Variants in POLA1 observed in about 807,000 individuals in gnomAD.
POLA1 encodes the protein DNA polymerase alpha catalytic subunit.
In POLA1, 15 loss-of-function variants were observed where a neutral mutation model predicts 124.0. The observed-to-expected ratio is 0.12, with a 90% CI of 0.08 to 0.19. The LOEUF is 0.19. Among genes scored for constraint, POLA1 ranks in the 10% least tolerant of loss-of-function variants. The pLI is 1.00. For missense variants in POLA1, 886 were observed against 1,103.4 expected, an observed-to-expected ratio of 0.80 and a Z score of 2.79; for synonymous variants, 408 against 389.4, an observed-to-expected ratio of 1.05 and a Z score of -0.56.
chrX:24,772,805 A>G (rs1049264809), intron 26 of POLA1, among the ~76,000 whole-genome samples: 8 of 111,700 alleles, frequency 7.2e-5, no homozygotes, highest in East Asian at 2.8e-4. Context: ...AACAACTACT[A>G]TTTGACCCAG....
intron 36 of POLA1, among the ~76,000 whole-genome samples, chrX:24,983,616 A>G (rs943448904): frequency 6.2e-5 from 7 of 112,285 alleles, no homozygotes; most frequent in Non-Finnish European, 1.1e-4. Flanking sequence ...CAGGTATCCT[A>G]TTGGTTTTCT....
intron 32 of POLA1, among the ~76,000 whole-genome samples, chrX:24,840,529 A>G (rs1193305752): frequency 8.9e-6 from 1 of 112,067 alleles, no homozygotes; most frequent in African/African-American, 3.2e-5. Context: ...ATGTCGCTTG[A>G]CAGCTGACCA....
chrX:24,946,616 G>C (rs1268376728), intron 36 of POLA1, among the ~76,000 whole-genome samples: 2 of 111,322 alleles, frequency 1.8e-5, no homozygotes, highest in African/African-American at 6.5e-5. Flanking sequence ...CCCAGTCTCT[G>C]TTCATATTCT....
chrX:24,700,819 A>G (rs191295866), intron 2 of POLA1, among the ~76,000 whole-genome samples: 13 of 111,826 alleles, frequency 1.2e-4, no homozygotes, highest in Admixed American at 1.1e-3. Flanking sequence ...CAGGACTAAA[A>G]CATTTTTAAT....
chrX:24,897,559 G>A (rs1269992882), intron 35 of POLA1, among the ~76,000 whole-genome samples: 1 of 111,837 alleles, frequency 8.9e-6, no homozygotes, highest in Non-Finnish European at 1.9e-5. Flanking sequence ...CGAAAAAAGA[G>A]CAAAAAGCTT....
At chrX:24,960,972 A>G (rs1361932229) in intron 36 of POLA1, among the ~76,000 whole-genome samples, 1 of 112,419 alleles carries the variant, frequency 8.9e-6, no homozygotes, top group Non-Finnish European at 1.9e-5. Flanking sequence ...TTTTCTTTCT[A>G]TCAATATATT....
In POLA1 at chrX:24,723,959, A is replaced by G. The variant is rs781737071; in HGVS notation, c.1201-376A>G. ...CTCCCAAAGTGCTGGGATTACAGGC[A>G]TGAGCCACTGCGCTCAGTCTGCTTC... On this transcript the variant is annotated intron_variant, in intron 11 of 36. Transcript: ENST00000379068. 5.3e-5 allele frequency among the ~76,000 whole-genome samples: 6 copies of G among 112,810 alleles called. No individual in the cohort carries two copies. In the South Asian group the frequency reaches 1.1e-3, roughly 21 times the overall value.
intron 36 of POLA1, among the ~76,000 whole-genome samples, chrX:24,938,412 T>C (rs2047878054): frequency 9.0e-6 from 1 of 111,525 alleles, no homozygotes; most frequent in African/African-American, 3.3e-5. Context: ...TGAGACTCCA[T>C]CTCAATAAAA....
chrX:24,748,356 G>T lies in POLA1; in HGVS notation c.2737G>T (p.Glu913Ter). 1 of 1,195,564 alleles carries T rather than the reference G, an allele frequency of 8.4e-7. No individual in the cohort carries two copies. The highest frequency in any genetic ancestry group is 1.1e-6 in the Non-Finnish European group (1 of 881,196). ...CCCTGAGTTGCCAGATCCAAGCTTA[G>T]AAATGGGCATTTTGCCCAGAGAGAT... is the stretch of plus-strand genomic sequence containing the variant. ...QIPELPDPSL[E>*]MGILPREIRK... Residue 913 changes from glutamate (E) to a stop codon, truncating the protein, a stop_gained, in exon 25 of 37, where the codon GAA becomes TAA. Coordinates refer to ENST00000379068, the MANE Select transcript of POLA1 (RefSeq NM_001330360.2). LOFTEE classifies it high-confidence loss of function.
At chrX:24,970,116 C>G (rs1192118427) in intron 36 of POLA1, among the ~76,000 whole-genome samples, 3 of 111,919 alleles carry the variant, frequency 2.7e-5, no homozygotes, top group Non-Finnish European at 5.6e-5. Flanking sequence ...GACATAAAGA[C>G]AAATGGAACA....
chrX:24,766,048 G>T (rs190414108), intron 26 of POLA1, among the ~76,000 whole-genome samples: 1 of 112,387 alleles, frequency 8.9e-6, no homozygotes, highest in Non-Finnish European at 1.9e-5. Context: ...TTGAACTGCT[G>T]TATAGTATTC....
intron 34 of POLA1, among the ~76,000 whole-genome samples, chrX:24,872,967 G>A (rs898368850): frequency 9.0e-6 from 1 of 111,148 alleles, no homozygotes; most frequent in Non-Finnish European, 1.9e-5. Flanking sequence ...CCCCACACAC[G>A]TATAGTCTCT....
chrX:24,855,534 T>TA lies in POLA1; in HGVS notation c.4047+11861dup, dbSNP rs2046632844. ...TGGGTAGGTACATGATCTGTGAATA[T>TA]AAAATGAAATTTGAAGGACAATTCC... On this transcript the variant is annotated intron_variant, in intron 34 of 36. Coordinates refer to ENST00000379068, the MANE Select transcript of POLA1 (RefSeq NM_001330360.2). Among the ~76,000 whole-genome samples the TA allele has an allele frequency of 6.2e-5, 7 of 112,099 alleles. No homozygotes were observed. In the South Asian group the frequency reaches 2.6e-3, roughly 42 times the overall value.
chrX:24,855,115 GTAAA>G (rs1188895366), intron 34 of POLA1, among the ~76,000 whole-genome samples: 1 of 111,185 alleles, frequency 9.0e-6, no homozygotes, highest in African/African-American at 3.3e-5. Flanking sequence ...ATAGACAAGT[GTAAA>G]TAAATAATTG....
At chrX:24,914,579 A>G (rs1289390521) in intron 35 of POLA1, among the ~76,000 whole-genome samples, 1 of 110,144 alleles carries the variant, frequency 9.1e-6, no homozygotes, top group African/African-American at 3.3e-5. Context: ...ATAGATTTGG[A>G]CATCAGAGTG....
intron 27 of POLA1, among the ~76,000 whole-genome samples, chrX:24,810,375 A>T (rs1220704284): frequency 1.8e-5 from 2 of 111,579 alleles, no homozygotes; most frequent in Non-Finnish European, 3.8e-5. Context: ...CAGTGGATAA[A>T]TATAGACCCC....
At chrX:24,966,541 A>T (rs965976591) in intron 36 of POLA1, among the ~76,000 whole-genome samples, 2 of 112,467 alleles carry the variant, frequency 1.8e-5, no homozygotes, top group East Asian at 5.6e-4. Context: ...GATGGTTTTG[A>T]CATCAGAGTG....
intron 35 of POLA1, among the ~76,000 whole-genome samples, chrX:24,921,908 G>GTGTGTGTGTGTGTGTGT (rs1569363662): frequency 4.5e-5 from 5 of 110,567 alleles, no homozygotes; most frequent in African/African-American, 1.3e-4. Context: ...GTGTGTGTGT[G>GTGTGTGTGTGTGTGTGT]ATGGGGGTGG....
intron 5 of POLA1, 142 bp from the exon 6 acceptor site, chrX:24,714,999 T>C: frequency 2.1e-6 from 1 of 465,556 alleles, no homozygotes; most frequent in Non-Finnish European, 3.7e-6. Flanking sequence ...AATCTGTGAA[T>C]GTAGATGAGC....
Sources: gnomAD v4.1 joint callset for allele counts (sites outside exome capture counted in the v4.1 genomes callset) on GRCh38, gnomAD v4.1.1 for gene constraint, MANE v1.5 for transcripts, NCBI Gene and HGNC (gene_info 2026-07-23, HGNC 2026-07-21) for gene names.